The following STRN4 variants were observed in gnomAD, a reference collection of about 807,000 sequenced individuals.
STRN4 encodes striatin 4, also known as striatin-4.
STRN4 carries 27 observed loss-of-function variants against 77.9 expected under a neutral mutation model. The ratio of observed to expected loss-of-function variants is 0.35; its 90% CI spans 0.26 to 0.48. The LOEUF is 0.48. Among genes scored for constraint, STRN4 ranks in the 20% least tolerant of loss-of-function variants. The pLI is 0.99. For missense variants in STRN4, 798 were observed against 1,049.7 expected (o/e 0.76, Z 3.31); for synonymous variants, 466 against 443.1 (o/e 1.05, Z -0.65).
intron 9 of STRN4, among the ~76,000 whole-genome samples, chr19:46,726,832 C>A (rs1202932018): frequency 3.9e-5 from 6 of 152,174 alleles, no homozygotes; most frequent in Non-Finnish European, 8.8e-5. Flanking sequence ...CTCACCCCCT[C>A]CCCTAGCGGG....
At position 46,738,823 on chromosome 19, in the gene STRN4, C is replaced by T. The variant is rs779698517; in HGVS notation, c.348G>A (p.Arg116=). Residue 116 remains arginine (R), a synonymous_variant, in exon 2 of 18, where the codon CGG becomes CGA. Transcript: ENST00000263280. The surrounding 1 kb of genome is among the most constrained non-coding windows in gnomAD (Gnocchi z 4.5). The part of the protein sequence containing the change: ...GQENLKTDLV[R]RIKMLEYALK... ...GCGCATACTCTAGCATCTTGATCCG[C>T]CGCACCAGGTCCGTCTTTAGATTCT... The T allele has an allele frequency of 6.2e-7, 1 of 1,614,202 alleles. No individual in the cohort carries two copies. Among genetic ancestry groups the T allele is most frequent in the Non-Finnish European group, 8.5e-7 (1 of 1,180,044 alleles).
intron 4 of STRN4, among the ~76,000 whole-genome samples, chr19:46,734,360 C>T (rs1019204998): frequency 3.3e-5 from 5 of 152,192 alleles, no homozygotes; most frequent in African/African-American, 1.2e-4. Context: ...GTTAGTATTA[C>T]TATTATTGTT....
intron 9 of STRN4, 93 bp downstream of exon 9, chr19:46,727,359 C>T (rs1279010476): frequency 9.3e-7 from 1 of 1,076,722 alleles, no homozygotes; most frequent in Non-Finnish European, 1.4e-6. Flanking sequence ...ACAGGATGAG[C>T]AGGGCACGGG....
rs777319084 is a variant in STRN4, at chr19:46,736,872, G to C, written c.490C>G (p.Leu164Val). The C allele has an allele frequency of 6.2e-7, 1 of 1,613,094 alleles. No individual in the cohort carries two copies. The highest frequency in any genetic ancestry group is 1.7e-5 in the Admixed American group (1 of 59,924). Residue 164 changes from leucine (L) to valine (V), a missense_variant, in exon 4 of 18, where the codon CTG becomes GTG. Physicochemically the swap from Leu to Val is conservative, Grantham distance 32. This residue lies in a region of STRN4 where 511 missense variants were observed against 575.9 expected (regional missense o/e 0.89). Transcript: ENST00000263280. Reference sequence around the variant, plus strand: ...TTCCACACCAACGGGCTGTTCTCCAGGGTGACCGATTCCACGGGGCCATTG... The same window carrying C: ...TTCCACACCAACGGGCTGTTCTCCACGGTGACCGATTCCACGGGGCCATTG... ...VSNGPVESVT[L>V]ENSPLVWKEG...
chr19:46,738,026 C>A lies in STRN4; in HGVS notation c.460+138G>T. 3.5e-6 allele frequency: 3 copies of A among 852,672 alleles called. No individual in the cohort carries two copies. Among genetic ancestry groups the A allele is most frequent in the South Asian group, 3.0e-5 (2 of 67,566 alleles). The allele number at this position is 852,672 out of a possible 1,614,324, so 52.8% of individuals were successfully genotyped here. On this transcript the variant is annotated intron_variant, in intron 3 of 17. Transcript: ENST00000263280. The surrounding 1 kb of genome is among the most constrained non-coding windows in gnomAD (Gnocchi z 4.5). ...TAGGGAGGGCTCTGAGAGTGAGATT[C>A]CGCCCCTCCCCAGCCCCGGGGCCGA... is the stretch of plus-strand genomic sequence containing the variant.
chr19:46,741,491 C>T lies in STRN4; in HGVS notation c.283-2603G>A, dbSNP rs528531129. ...CAGGGAGGTGGAAACCCACCAAAAA[C>T]GGGAAGCGTCAGTGGCCAGTCTCTC... On this transcript the variant is annotated intron_variant, in intron 1 of 17. Coordinates refer to ENST00000263280, the MANE Select transcript of STRN4 (RefSeq NM_013403.3). This position sits in a 1 kb window ranked among gnomAD's most constrained non-coding sequence, Gnocchi z 4.9. Among the ~76,000 whole-genome samples, 62 of 152,304 alleles carry T rather than the reference C, an allele frequency of 4.1e-4. No individual in the cohort carries two copies. The South Asian group carries it at 0.01, about 25-fold the overall frequency.
chr19:46,721,372 A>G (rs2053972733), intron 16 of STRN4: 1 of 154,196 alleles, frequency 6.5e-6, no homozygotes, highest in South Asian at 2.0e-4. Context: ...CTGTCTGGGC[A>G]CTGGGCTGGA....
Position 46,720,652 on chromosome 19 carries a change from C to T in STRN4, c.2212G>A (p.Ala738Thr). The change falls in exon 17 of 18, where the codon GCC (alanine) becomes ACC (threonine). Residue 738 changes from alanine to threonine, a missense_variant. Ala to Thr is a moderately conservative substitution (Grantham distance 58). This residue lies in a region of STRN4 where 287 missense variants were observed against 473.8 expected (regional missense o/e 0.61). Coordinates refer to ENST00000263280, the MANE Select transcript of STRN4 (RefSeq NM_013403.3). The stretch of plus-strand genomic sequence containing the variant: ...TCAGCGCCAGCACTGGCAATGAGGG[C>T]CTTGCTGGGGTGGCAGGCAACAGCG... ...IHAVACHPSK[A>T]LIASAGADAL... The T allele has an allele frequency of 6.8e-6, 11 of 1,608,900 alleles. No individual in the cohort carries two copies. Among genetic ancestry groups the T allele is most frequent in the Non-Finnish European group, 9.3e-6 (11 of 1,177,102 alleles).
At position 46,733,163 on chromosome 19, in the gene STRN4, G is replaced by C. The variant is rs749422074; in HGVS notation, c.613C>G (p.Arg205Gly). The change falls in exon 5 of 18, where the codon CGC becomes GGC. Residue 205 changes from arginine to glycine, a missense_variant. This residue lies in a region of STRN4 where 511 missense variants were observed against 575.9 expected (regional missense o/e 0.89). Coordinates refer to ENST00000263280, the MANE Select transcript of STRN4 (RefSeq NM_013403.3). The surrounding 1 kb of genome is among the most constrained non-coding windows in gnomAD (Gnocchi z 4.3). Reference protein sequence around the residue: ...RSKRVRSLLGRSLELNGAVEP... With the variant: ...RSKRVRSLLGGSLELNGAVEP... ...ACTGCCCCGTTGAGCTCCAGCGAGC[G>C]GCCCAGCAGGGAACGGACGCGCTTG... The C allele has an allele frequency of 2.5e-6, 4 of 1,611,672 alleles. No individual in the cohort carries two copies. Among genetic ancestry groups the C allele is most frequent in the Non-Finnish European group, 3.4e-6 (4 of 1,180,004 alleles).
rs1426741557 is a variant in STRN4 at position 46,720,302 on chromosome 19, G to A, written c.*103C>T. On this transcript the variant is annotated 3_prime_UTR_variant, in exon 18 of 18. Coordinates refer to ENST00000263280, the MANE Select transcript of STRN4 (RefSeq NM_013403.3). ...CAGGCTCCATGGCAAACAGACAGAG[G>A]CCAGGCCTCTGCACCTCCAGCGAGG... is the stretch of plus-strand genomic sequence containing the variant. The A allele has an allele frequency of 3.1e-5, 9 of 291,998 alleles. No homozygotes were observed. The highest frequency in any genetic ancestry group is 5.7e-5 in the Non-Finnish European group (9 of 157,606). The allele number at this position is 291,998 out of a possible 1,614,324, so 18.1% of individuals were successfully genotyped here. A position where few individuals can be genotyped will look rare whatever the true frequency, so the allele number is the denominator to read the frequency against.
rs760453245 is a variant in STRN4 at position 46,722,037 on chromosome 19, C to T, written c.2041G>A (p.Ala681Thr). Residue 681 changes from alanine (A) to threonine (T), a missense_variant, in exon 16 of 18, where the codon GCA becomes ACA. Ala to Thr is a moderately conservative substitution (Grantham distance 58). Coordinates refer to ENST00000263280, the MANE Select transcript of STRN4 (RefSeq NM_013403.3). ...GGGTCCACGGCTAGGCAGGTGACTG[C>T]GTCCAGGTGTGCAACCATGGAGTGC... ...PVHSMVAHLD[A>T]VTCLAVDPNG... 4 of 1,613,312 alleles carry T rather than the reference C, an allele frequency of 2.5e-6. No homozygotes were observed. Among genetic ancestry groups the T allele is most frequent in the East Asian group, 2.2e-5 (1 of 44,888 alleles).
intron 4 of STRN4, among the ~76,000 whole-genome samples, chr19:46,735,671 A>G (rs2054344136): frequency 6.6e-6 from 1 of 152,226 alleles, no homozygotes; most frequent in Admixed American, 6.5e-5. Context: ...CAATTAAAAA[A>G]TAATAATTTG....
At position 46,720,575 on chromosome 19, in the gene STRN4, G is replaced by A. The variant is rs767752807; in HGVS notation, c.*27C>T. On this transcript the variant is annotated 3_prime_UTR_variant, in exon 17 of 18. Coordinates refer to ENST00000263280, the MANE Select transcript of STRN4 (RefSeq NM_013403.3). Reference sequence around the variant, plus strand: ...CCCGGCCCTACACCCCAGCCAGCGTGGCGGCCAGGGCAGGGCCAGGTGGGC... The same window carrying A: ...CCCGGCCCTACACCCCAGCCAGCGTAGCGGCCAGGGCAGGGCCAGGTGGGC... 1 of 1,524,534 alleles carries A rather than the reference G, an allele frequency of 6.6e-7. No individual in the cohort carries two copies. Among genetic ancestry groups the A allele is most frequent in the South Asian group, 1.3e-5 (1 of 77,692 alleles). 94.4% of individuals were successfully genotyped at this position (1,524,534 alleles called of 1,614,324 possible). A position where few individuals can be genotyped will look rare whatever the true frequency, so the allele number is the denominator to read the frequency against.
At position 46,727,920 on chromosome 19, in the gene STRN4, C is replaced by T; in HGVS notation, c.1127G>A (p.Gly376Asp). ...TTCATGTGGCCGGGGCTGGGGTGTG[C>T]CAGGAGGCGGGCCAGTCACTTTTGG... Reference protein sequence around the residue: ...LPPKVTGPPPGTPQPRPHEDV... With the variant: ...LPPKVTGPPPDTPQPRPHEDV... The change falls in exon 8 of 18, where the codon GGC becomes GAC. Residue 376 changes from glycine to aspartate, a missense_variant. Transcript: ENST00000263280. 6.2e-7 allele frequency: 1 copy of T among 1,611,584 alleles called. No homozygotes were observed. The highest frequency in any genetic ancestry group is 1.7e-5 in the Admixed American group (1 of 59,848).
rs751915804 is a variant in STRN4, at chr19:46,746,253, GGCCCGCCGT to G, written c.169_177del (p.Thr57_Gly59del). 2 of 1,493,694 alleles carry G rather than the reference GGCCCGCCGT, an allele frequency of 1.3e-6. No individual in the cohort carries two copies. Among genetic ancestry groups the G allele is most frequent in the South Asian group, 2.5e-5 (2 of 80,636 alleles). 92.5% of individuals were successfully genotyped at this position (1,493,694 alleles called of 1,614,324 possible). ...ATCCCCGGCAGGCTCAGGGGCTCCG[GGCCCGCCGT>G]GGGCCCGGGGCTGCCTCCGCCGCCG... On this transcript the variant is annotated inframe_deletion, in exon 1 of 18. Coordinates refer to ENST00000263280, the MANE Select transcript of STRN4 (RefSeq NM_013403.3).
chr19:46,741,544 C>T lies in STRN4; in HGVS notation c.283-2656G>A, dbSNP rs115976512. Among the ~76,000 whole-genome samples the T allele has an allele frequency of 4.1e-3, 632 of 152,310 alleles. 2 individuals carry two copies. Among genetic ancestry groups the T allele is most frequent in the African/African-American group, 0.015 (605 of 41,562 alleles). ...TCGCTGCAAACGCCAGCAGCCCCCA[C>T]GGGCTGTCTGGTCTGCGAGGGCCAA... is the stretch of plus-strand genomic sequence containing the variant. On this transcript the variant is annotated intron_variant, in intron 1 of 17. Coordinates refer to ENST00000263280, the MANE Select transcript of STRN4 (RefSeq NM_013403.3). This position sits in a 1 kb window ranked among gnomAD's most constrained non-coding sequence, Gnocchi z 4.9.
intron 15 of STRN4, 60 bp from the exon 16 acceptor site, chr19:46,722,132 T>A (rs957720919): frequency 8.7e-6 from 14 of 1,606,258 alleles, no homozygotes; most frequent in Middle Eastern, 1.7e-4. Flanking sequence ...CCTGAGAGAG[T>A]GAAAGGACTG....
intron 3 of STRN4, among the ~76,000 whole-genome samples, chr19:46,737,442 AGT>A (rs1414879141): frequency 1.3e-5 from 2 of 152,180 alleles, no homozygotes; most frequent in Non-Finnish European, 2.9e-5. Context: ...CTTCCGTTCT[AGT>A]GAGAGGAGCT....
At chr19:46,743,918 A>T (rs961225749) in intron 1 of STRN4, among the ~76,000 whole-genome samples, 2 of 151,676 alleles carry the variant, frequency 1.3e-5, no homozygotes, top group East Asian at 1.9e-4. Flanking sequence ...AATAAAAATA[A>T]AAATAAATAA....
Sources: allele counts gnomAD v4.1 joint callset (sites outside exome capture counted in the v4.1 genomes callset), GRCh38; gene constraint gnomAD v4.1.1; regional missense constraint gnomAD v4.1.1; non-coding constraint Gnocchi (gnomAD v3.1); transcripts MANE v1.5; gene names NCBI Gene and HGNC (gene_info 2026-07-23, HGNC 2026-07-21).